Variants in SCGB2B2 observed in about 807,000 individuals in gnomAD.
SCGB2B2 encodes secretoglobin family 2B member 2, also known as secretoglobin-like protein.
In SCGB2B2, 11 loss-of-function variants were observed where a neutral mutation model predicts 7.6. The ratio of observed to expected loss-of-function variants is 1.45; its 90% CI spans 0.91 to 2.40. The LOEUF (loss-of-function observed/expected upper bound fraction) is 2.40, where lower values mean the gene tolerates loss of function less well. Ranked by LOEUF, SCGB2B2 falls within the 30% of genes most tolerant of loss-of-function variation. The probability of loss-of-function intolerance (pLI) is 0.00; values close to 1 mark genes in which losing one functional copy is unlikely to be tolerated. For missense variants in SCGB2B2, 104 were observed against 115.4 expected, an observed-to-expected ratio of 0.90 and a Z score of 0.45; for synonymous variants, 50 against 48.6, an observed-to-expected ratio of 1.03 and a Z score of -0.12.
At chr19:34,613,358 C>T (rs1279403121) in intron 1 of SCGB2B2, among the ~76,000 whole-genome samples, 1 of 152,218 alleles carries the variant, frequency 6.6e-6, no homozygotes, top group Non-Finnish European at 1.5e-5. Context: ...CTTGGCCTCC[C>T]AAAGTGCTGG....
chr19:34,625,343 A>G (rs1367842387), intron 1 of SCGB2B2, among the ~76,000 whole-genome samples: 2 of 152,236 alleles, frequency 1.3e-5, no homozygotes, highest in African/African-American at 4.8e-5. Flanking sequence ...CGGGAAGCAC[A>G]AGGGGTCAGG....
chr19:34,606,491 A>AGGAAACAGGTTTTTCTTTTCTTTTTCTT (rs2065780754), intron 1 of SCGB2B2, among the ~76,000 whole-genome samples: 2 of 150,232 alleles, frequency 1.3e-5, no homozygotes, highest in Non-Finnish European at 3.0e-5. Context: ...TTTGAGGGGT[A>AGGAAACAGGTTTTTCTTTTCTTTTTCTT]GGAAACAGGT....
At chr19:34,647,753 GGTT>G (rs1168178719) in intron 1 of SCGB2B2, among the ~76,000 whole-genome samples, 1 of 152,182 alleles carries the variant, frequency 6.6e-6, no homozygotes, top group Non-Finnish European at 1.5e-5. Flanking sequence ...GTGAAGAGGG[GGTT>G]GTAAAGCTGA....
chr19:34,619,153 T>C (rs1433140272), intron 1 of SCGB2B2, among the ~76,000 whole-genome samples: 1 of 152,216 alleles, frequency 6.6e-6, no homozygotes, highest in Non-Finnish European at 1.5e-5. Context: ...TGCTTATATT[T>C]AGGACAATTA....
At chr19:34,610,814 A>G (rs2065907000) in intron 1 of SCGB2B2, among the ~76,000 whole-genome samples, 2 of 135,740 alleles carry the variant, frequency 1.5e-5, no homozygotes, top group African/African-American at 5.4e-5. Flanking sequence ...TGGTTTTTCT[A>G]TCAGGATATA....
intron 1 of SCGB2B2, among the ~76,000 whole-genome samples, chr19:34,608,026 T>C (rs1014899815): frequency 6.6e-6 from 1 of 152,150 alleles, no homozygotes; most frequent in African/African-American, 2.4e-5. Flanking sequence ...CTGATAGGGA[T>C]TGGCTTGAAT....
intron 1 of SCGB2B2, among the ~76,000 whole-genome samples, chr19:34,648,794 C>T (rs2067087511): frequency 2.6e-5 from 4 of 151,520 alleles, no homozygotes; most frequent in Admixed American, 2.6e-4. Context: ...TTTTTAAATG[C>T]AAAAAGAACA....
intron 1 of SCGB2B2, among the ~76,000 whole-genome samples, chr19:34,659,324 C>T (rs576185594): frequency 6.6e-6 from 1 of 152,268 alleles, no homozygotes; most frequent in African/African-American, 2.4e-5. Context: ...AAAGGGTATT[C>T]AATTAGGAAA....
chr19:34,640,188 A>G (rs1210691972), intron 1 of SCGB2B2, among the ~76,000 whole-genome samples: 1 of 151,888 alleles, frequency 6.6e-6, no homozygotes. Flanking sequence ...TGCAGCCTCG[A>G]CCTCCTGGAC....
At chr19:34,635,639 A>C (rs1236904271) in intron 1 of SCGB2B2, 2 of 206,312 alleles carry the variant, frequency 9.7e-6, no homozygotes, top group East Asian at 2.8e-4. Context: ...GGTGCTCACA[A>C]AGCCTATTTC....
At chr19:34,649,991 A>C in intron 1 of SCGB2B2, among the ~76,000 whole-genome samples, 1 of 150,300 alleles carries the variant, frequency 6.7e-6, no homozygotes, top group African/African-American at 2.5e-5. Flanking sequence ...CTCTTCCTCC[A>C]CTCCTAAGTC....
rs377124471 is a variant in SCGB2B2 at position 34,662,935 on chromosome 19, A to AAAAC, written c.-2032+12691_-2032+12694dup. ...GGCTGAGAGAGACCCTGTCTCCAAA[A>AAAAC]AAACAAACAAACAAACAAACAAACA... is the stretch of plus-strand genomic sequence containing the variant. On this transcript the variant is annotated intron_variant, in intron 1 of 3. Transcript: ENST00000601241. 4.4e-4 allele frequency among the ~76,000 whole-genome samples: 67 copies of AAAAC among 151,840 alleles called. 1 individual carries two copies. Among genetic ancestry groups the AAAAC allele is most frequent in the South Asian group, 8.3e-4 (4 of 4,802 alleles).
At chr19:34,654,360 C>T (rs1232476703) in intron 1 of SCGB2B2, among the ~76,000 whole-genome samples, 2 of 150,990 alleles carry the variant, frequency 1.3e-5, no homozygotes, top group East Asian at 3.9e-4. Context: ...TAATGAGAGA[C>T]CATCAGGCTA....
chr19:34,650,714 T>G (rs2067140939), intron 1 of SCGB2B2, among the ~76,000 whole-genome samples: 1 of 151,328 alleles, frequency 6.6e-6, no homozygotes, highest in African/African-American at 2.5e-5. Context: ...AAACTCTTCC[T>G]GAAAATTGAA....
chr19:34,605,813 C>T (rs186148310), intron 1 of SCGB2B2, among the ~76,000 whole-genome samples: 185 of 152,136 alleles, frequency 1.2e-3, no homozygotes, highest in African/African-American at 4.3e-3. Context: ...AGGCTGGTCT[C>T]GAACTCCTGT....
At chr19:34,606,482 T>C (rs563099751) in intron 1 of SCGB2B2, among the ~76,000 whole-genome samples, 8 of 151,234 alleles carry the variant, frequency 5.3e-5, no homozygotes, top group Non-Finnish European at 7.4e-5. Flanking sequence ...AAGAAACTTT[T>C]TGAGGGGTAG....
intron 1 of SCGB2B2, among the ~76,000 whole-genome samples, chr19:34,623,393 C>T (rs2066289321): frequency 1.3e-5 from 2 of 152,276 alleles, no homozygotes; most frequent in East Asian, 1.9e-4. Context: ...TACCTTAGTC[C>T]ACTTCCTCCT....
At chr19:34,630,916 A>G (rs2066511550) in intron 1 of SCGB2B2, among the ~76,000 whole-genome samples, 1 of 151,950 alleles carries the variant, frequency 6.6e-6, no homozygotes, top group South Asian at 2.1e-4. Flanking sequence ...CATATACACC[A>G]TGGAATACTA....
At position 34,675,879 on chromosome 19, in the gene SCGB2B2, G is replaced by C. The variant is rs1313245218; in HGVS notation, c.-2281C>G. 6.7e-6 allele frequency: 1 copy of C among 149,084 alleles called. No individual in the cohort carries two copies. Among genetic ancestry groups the C allele is most frequent in the African/African-American group, 2.5e-5 (1 of 39,464 alleles). 9.2% of individuals were successfully genotyped at this position (149,084 alleles called of 1,614,324 possible). On this transcript the variant is annotated 5_prime_UTR_variant, in exon 1 of 4. Coordinates refer to ENST00000601241, the MANE Select transcript of SCGB2B2 (RefSeq NM_001025591.4). Reference sequence around the variant, plus strand: ...ACAGCTCCTAAAGACGGCGTGTCTGGAGTTGTTCGTTCCTCCCAGTGGGTT... The same window carrying C: ...ACAGCTCCTAAAGACGGCGTGTCTGCAGTTGTTCGTTCCTCCCAGTGGGTT...
Sources: allele counts gnomAD v4.1 joint callset (sites outside exome capture counted in the v4.1 genomes callset), GRCh38; gene constraint gnomAD v4.1.1; transcripts MANE v1.5; gene names NCBI Gene and HGNC (gene_info 2026-07-23, HGNC 2026-07-21).